RSF1: variants seen among roughly 807,000 people sequenced by gnomAD.
RSF1 encodes the protein remodeling and spacing factor 1, also known as HBV pX-associated protein 8.
A neutral mutation model predicts 145.2 loss-of-function variants in RSF1; 13 were observed. The observed-to-expected ratio is 0.09, with a 90% confidence interval of 0.06 to 0.14. The LOEUF is 0.14. Among genes scored for constraint, RSF1 ranks in the 10% least tolerant of loss-of-function variants. The pLI is 1.00. For synonymous variants in RSF1, 577 were observed against 592.6 expected, an observed-to-expected ratio of 0.97 and a Z score of 0.38; for missense variants, 1,517 against 1,718.2, an observed-to-expected ratio of 0.88 and a Z score of 2.07.
At chr11:77,822,569 T>C (rs766252430), upstream of RSF1, among the ~76,000 whole-genome samples, 1 of 152,156 alleles carries the variant, frequency 6.6e-6, no homozygotes, top group Non-Finnish European at 1.5e-5. Flanking sequence ...ATTTTTTTCT[T>C]CATTTCCAGG....
At chr11:77,742,284 T>C (rs140345179) in intron 3 of RSF1, among the ~76,000 whole-genome samples, 367 of 152,288 alleles carry the variant, frequency 2.4e-3, no homozygotes, top group Non-Finnish European at 3.8e-3. Context: ...GGTTCCCTTT[T>C]CTTTTTTCTT....
In RSF1 at chr11:77,701,256, C is replaced by T. The variant is rs1415865706; in HGVS notation, c.1973G>A (p.Gly658Asp). The T allele has an allele frequency of 1.2e-6, 2 of 1,614,102 alleles. No homozygotes were observed. The change falls in exon 6 of 16, where the codon GGC becomes GAC. Residue 658 changes from glycine to aspartate, a missense_variant. By Grantham distance (94) the Gly-to-Asp change is moderately conservative. Coordinates refer to ENST00000308488, the MANE Select transcript of RSF1 (RefSeq NM_016578.4). ...VECQSTSTVG[G>D]QSVKKVDLET... ...TAGGTCTACTTTTTTCACAGACTGG[C>T]CACCAACAGTACTTGTACTCTGGCA...
intron 1 of RSF1, among the ~76,000 whole-genome samples, chr11:77,794,365 C>A (rs534676439): frequency 6.6e-6 from 1 of 152,148 alleles, no homozygotes; most frequent in Non-Finnish European, 1.5e-5. Context: ...GAAACAAATA[C>A]CAAGAGGAAC....
At chr11:77,740,999 T>C (rs187954195) in intron 3 of RSF1, 63 bp from the exon 4 acceptor site, 1 of 1,205,016 alleles carries the variant, frequency 8.3e-7, no homozygotes, top group Non-Finnish European at 1.2e-6. Flanking sequence ...ACAGTAAATA[T>C]GATACAACCG....
intron 1 of RSF1, 86 bp from the exon 2 acceptor site, chr11:77,764,775 AC>A (rs1278444901): frequency 4.9e-6 from 4 of 822,714 alleles, no homozygotes; most frequent in Non-Finnish European, 7.7e-6. Flanking sequence ...ATCTTCTCCA[AC>A]CCTGGATACC....
At chr11:77,814,891 T>C (rs1280434088) in intron 1 of RSF1, among the ~76,000 whole-genome samples, 1 of 115,658 alleles carries the variant, frequency 8.6e-6, no homozygotes, top group Non-Finnish European at 1.8e-5. Flanking sequence ...CAAAATATGG[T>C]TTTTTTTTAA....
upstream of RSF1, chr11:77,820,745 G>T (rs779278371): frequency 1.3e-6 from 2 of 1,527,930 alleles, no homozygotes; most frequent in South Asian, 1.2e-5. Flanking sequence ...AGGAGGCGAT[G>T]GGGGGGCGGG....
intron 4 of RSF1, among the ~76,000 whole-genome samples, chr11:77,733,082 A>G (rs904973181): frequency 7.2e-5 from 11 of 152,216 alleles, no homozygotes; most frequent in African/African-American, 1.7e-4. Context: ...TCTCTAATAT[A>G]AATACCCAGA....
intron 1 of RSF1, among the ~76,000 whole-genome samples, chr11:77,797,382 G>A (rs1211388277): frequency 6.6e-6 from 1 of 152,126 alleles, no homozygotes; most frequent in Non-Finnish European, 1.5e-5. Flanking sequence ...TATGATTTTT[G>A]ACAAACCTGA....
At chr11:77,727,476 T>TTTG (rs200256410) in intron 4 of RSF1, among the ~76,000 whole-genome samples, 2,730 of 145,764 alleles carry the variant, frequency 0.019, 89 homozygotes, top group African/African-American at 0.065. Context: ...TCCACTACTT[T>TTTG]TTTTTTTTTT....
intron 8 of RSF1, among the ~76,000 whole-genome samples, chr11:77,692,035 C>A (rs1019421611): frequency 6.6e-6 from 1 of 151,960 alleles, no homozygotes; most frequent in Non-Finnish European, 1.5e-5. Flanking sequence ...GGATTACAGG[C>A]GTGTGCCACC....
Position 77,666,686 on chromosome 11 carries a change from A to G in RSF1, c.*231T>C. 1 of 361,346 alleles carries G rather than the reference A, an allele frequency of 2.8e-6. No individual in the cohort carries two copies. 22.4% of individuals were successfully genotyped at this position (361,346 alleles called of 1,614,324 possible). A position where few individuals can be genotyped will look rare whatever the true frequency, so the allele number is the denominator to read the frequency against. ...ATTTTTTTCCATGAATGAAATTACC[A>G]AGGACCATGAACCTGGAAAAAGAAA... is the stretch of plus-strand genomic sequence containing the variant. On this transcript the variant is annotated 3_prime_UTR_variant, in exon 16 of 16. Coordinates refer to ENST00000308488, the MANE Select transcript of RSF1 (RefSeq NM_016578.4).
intron 10 of RSF1, among the ~76,000 whole-genome samples, 193 bp downstream of exon 10, chr11:77,684,912 A>C (rs1209713452): frequency 6.6e-6 from 1 of 152,100 alleles, no homozygotes; most frequent in East Asian, 1.9e-4. Context: ...GCTTGAACCC[A>C]GGAGGCAGAC....
At chr11:77,866,740 AT>A in the RSF1 span, 2 of 152,300 alleles carry the variant, frequency 1.3e-5, no homozygotes, top group South Asian at 4.1e-4. Context: ...GAAAAAAAAA[AT>A]ATTAAAAAAA....
chr11:77,749,727 C>T (rs1359307799), intron 2 of RSF1, among the ~76,000 whole-genome samples: 1 of 152,140 alleles, frequency 6.6e-6, no homozygotes, highest in Non-Finnish European at 1.5e-5. Flanking sequence ...ATTTGTTTTG[C>T]AGATTTCAAA....
At chr11:77,807,113 T>A (rs1565186915) in intron 1 of RSF1, among the ~76,000 whole-genome samples, 1 of 152,234 alleles carries the variant, frequency 6.6e-6, no homozygotes, top group Non-Finnish European at 1.5e-5. Flanking sequence ...ACTCCCAATC[T>A]AATTTTCTCA....
the RSF1 span, among the ~76,000 whole-genome samples, chr11:77,863,591 G>T: frequency 3.3e-5 from 5 of 152,164 alleles, no homozygotes; most frequent in African/African-American, 1.2e-4. Flanking sequence ...GTTTCACTAT[G>T]TTGGCCAGGA....
At chr11:77,803,163 T>C (rs538502785) in intron 1 of RSF1, among the ~76,000 whole-genome samples, 41 of 152,058 alleles carry the variant, frequency 2.7e-4, no homozygotes, top group African/African-American at 9.9e-4. Context: ...AGTTGTTTGT[T>C]TTGAAAGAGG....
intron 1 of RSF1, among the ~76,000 whole-genome samples, chr11:77,771,626 G>A (rs1379655298): frequency 6.6e-6 from 1 of 152,212 alleles, no homozygotes; most frequent in Non-Finnish European, 1.5e-5. Context: ...TCCAGGATCT[G>A]TTTGAAATAA....
Sources: gnomAD v4.1 joint callset for allele counts (sites outside exome capture counted in the v4.1 genomes callset) on GRCh38, gnomAD v4.1.1 for gene constraint, MANE v1.5 for transcripts, NCBI Gene and HGNC (gene_info 2026-07-23, HGNC 2026-07-21) for gene names.